The following ASIC2 variants were observed in gnomAD, a reference collection of about 807,000 sequenced individuals.
The protein encoded by ASIC2 is acid sensing ion channel subunit 2.
A neutral mutation model predicts 57.3 loss-of-function variants in ASIC2; 25 were observed. The observed-to-expected ratio is 0.44, with a 90% CI of 0.32 to 0.61. The LOEUF (loss-of-function observed/expected upper bound fraction) is 0.61. Among genes scored for constraint, ASIC2 ranks in the 20% least tolerant of loss-of-function variants. ASIC2 has a pLI of 0.06. For synonymous variants in ASIC2, 319 were observed against 307.5 expected (o/e 1.04, Z -0.39); for missense variants, 641 against 738.1 (o/e 0.87, Z 1.52).
intron 1 of ASIC2, among the ~76,000 whole-genome samples, chr17:33,737,796 T>C (rs948106946): frequency 3.3e-5 from 5 of 152,168 alleles, no homozygotes; most frequent in South Asian, 2.1e-4. Flanking sequence ...ACAGTTTACT[T>C]TGAATATGCA....
intron 1 of ASIC2, among the ~76,000 whole-genome samples, chr17:33,915,634 TC>T (rs1185186829): frequency 1.3e-5 from 2 of 152,208 alleles, no homozygotes; most frequent in African/African-American, 4.8e-5. Context: ...AACACTAGTT[TC>T]CCTCTCACCA....
intron 1 of ASIC2, among the ~76,000 whole-genome samples, chr17:33,387,340 C>T (rs752562511): frequency 7.2e-5 from 11 of 152,244 alleles, no homozygotes; most frequent in Non-Finnish European, 1.5e-4. Context: ...CCTTGCGGAA[C>T]AAGCCAAGTG....
chr17:33,796,184 T>C (rs988726123), intron 1 of ASIC2, among the ~76,000 whole-genome samples: 1 of 152,188 alleles, frequency 6.6e-6, no homozygotes, highest in Non-Finnish European at 1.5e-5. Context: ...CCAATGTGTT[T>C]AGTACATACT....
chr17:33,200,873 C>T (rs905608830), intron 1 of ASIC2, among the ~76,000 whole-genome samples: 5 of 152,118 alleles, frequency 3.3e-5, no homozygotes, highest in African/African-American at 1.2e-4. Context: ...TAAGGGCCTA[C>T]AGTCTGGCTC....
At chr17:33,205,838 A>G (rs559513749) in intron 1 of ASIC2, among the ~76,000 whole-genome samples, 3 of 152,338 alleles carry the variant, frequency 2.0e-5, no homozygotes, top group Admixed American at 2.0e-4. Context: ...TGCTGGTGGT[A>G]GCAGGAGATA....
intron 1 of ASIC2, among the ~76,000 whole-genome samples, chr17:33,898,207 G>GTTCAT (rs1915145271): frequency 7.9e-6 from 1 of 126,896 alleles, no homozygotes; most frequent in East Asian, 2.2e-4. Flanking sequence ...ACTGCCCAGA[G>GTTCAT]TTCATGTATA....
chr17:33,189,265 T>C (rs1293436757), intron 1 of ASIC2, among the ~76,000 whole-genome samples: 1 of 151,894 alleles, frequency 6.6e-6, no homozygotes, highest in East Asian at 1.9e-4. Flanking sequence ...ATACCAGTAG[T>C]GCCAGAGCTG....
At chr17:33,015,895 G>T (rs1002466260) in intron 9 of ASIC2, 76 bp downstream of exon 9, 7 of 1,512,720 alleles carry the variant, frequency 4.6e-6, no homozygotes, top group African/African-American at 2.7e-5. Flanking sequence ...TTCCTGCCCG[G>T]CCCCAGCATC....
intron 1 of ASIC2, among the ~76,000 whole-genome samples, chr17:33,908,243 C>G (rs1915391977): frequency 6.6e-6 from 1 of 152,232 alleles, no homozygotes; most frequent in Admixed American, 6.5e-5. Flanking sequence ...TTGTGGCCCC[C>G]TACTCTGATG....
At chr17:33,894,879 T>C (rs1003765472) in intron 1 of ASIC2, among the ~76,000 whole-genome samples, 7 of 152,162 alleles carry the variant, frequency 4.6e-5, no homozygotes, top group African/African-American at 7.2e-5. Context: ...ACCATTGGCA[T>C]AAATGATAAA....
intron 3 of ASIC2, among the ~76,000 whole-genome samples, chr17:33,034,324 C>T (rs1438132779): frequency 6.6e-6 from 1 of 152,126 alleles, no homozygotes; most frequent in East Asian, 1.9e-4. Flanking sequence ...TGTAACAATA[C>T]CCTGTCTCTA....
rs557774441 is a variant in ASIC2, at chr17:33,184,820, C to T, written c.709-72753G>A. 3.9e-5 allele frequency among the ~76,000 whole-genome samples: 6 copies of T among 152,298 alleles called. No homozygotes were observed. The East Asian group carries it at 9.7e-4, about 25-fold the overall frequency. On this transcript the variant is annotated intron_variant, in intron 1 of 9. Coordinates refer to ENST00000225823, the MANE Select transcript of ASIC2 (RefSeq NM_183377.2). ...AAATTTAGGGCAGTAAAAGACAGTC[C>T]TATATTACTAAACTTCCAGAACTTA...
intron 1 of ASIC2, among the ~76,000 whole-genome samples, chr17:34,059,234 C>T (rs1406757387): frequency 6.6e-6 from 1 of 152,214 alleles, no homozygotes; most frequent in Non-Finnish European, 1.5e-5. Context: ...CACACACCCC[C>T]ACTGGAGAGG....
At chr17:33,519,529 A>C (rs11870629) in intron 1 of ASIC2, among the ~76,000 whole-genome samples, 1 of 151,998 alleles carries the variant, frequency 6.6e-6, no homozygotes, top group African/African-American at 2.4e-5. Flanking sequence ...GCCACTTTCC[A>C]GGTTCATGGG....
At chr17:33,179,051 A>G (rs918067092) in intron 1 of ASIC2, among the ~76,000 whole-genome samples, 2 of 152,228 alleles carry the variant, frequency 1.3e-5, no homozygotes, top group Non-Finnish European at 2.9e-5. Flanking sequence ...CTGGGGCCCA[A>G]GGCAACCTGG....
intron 1 of ASIC2, among the ~76,000 whole-genome samples, chr17:33,321,697 G>A (rs950411852): frequency 1.3e-5 from 2 of 152,184 alleles, no homozygotes; most frequent in African/African-American, 2.4e-5. Flanking sequence ...GAAACAGGTT[G>A]TGATTACCCT....
chr17:33,931,589 T>C (rs1012380021), intron 1 of ASIC2, among the ~76,000 whole-genome samples: 2 of 152,208 alleles, frequency 1.3e-5, no homozygotes, highest in Admixed American at 6.5e-5. Context: ...ATCCCTGCTT[T>C]AGCAAAGCAC....
chr17:33,878,453 G>C (rs1914609731), intron 1 of ASIC2, among the ~76,000 whole-genome samples: 2 of 152,194 alleles, frequency 1.3e-5, no homozygotes, highest in African/African-American at 4.8e-5. Context: ...AGAACTATGT[G>C]ACAAATGCAC....
chr17:33,728,342 C>T (rs1008928525), intron 1 of ASIC2, among the ~76,000 whole-genome samples: 2 of 152,082 alleles, frequency 1.3e-5, no homozygotes, highest in African/African-American at 4.8e-5. Flanking sequence ...CTGAGAGTTC[C>T]CCTAAAATTG....
Sources: allele counts gnomAD v4.1 joint callset (sites outside exome capture counted in the v4.1 genomes callset), GRCh38; gene constraint gnomAD v4.1.1; transcripts MANE v1.5; gene names NCBI Gene and HGNC (gene_info 2026-07-23, HGNC 2026-07-21).